Variants in NLGN1 observed in about 807,000 individuals in gnomAD.
NLGN1 encodes the protein neuroligin-1.
A neutral mutation model predicts 65.5 loss-of-function variants in NLGN1; 12 were observed. That is an observed-to-expected ratio of 0.18 (90% CI 0.12 to 0.30). The LOEUF (loss-of-function observed/expected upper bound fraction) is 0.30. Ranked by LOEUF, NLGN1 falls within the 10% of genes least tolerant of loss-of-function variation. NLGN1 has a pLI of 1.00. For missense variants in NLGN1, 750 were observed against 1,007.1 expected (o/e 0.74, Z 3.46); for synonymous variants, 350 against 359.5 (o/e 0.97, Z 0.30).
At chr3:173,851,111 A>G (rs1430424264) in intron 4 of NLGN1, among the ~76,000 whole-genome samples, 2 of 152,070 alleles carry the variant, frequency 1.3e-5, no homozygotes, top group Non-Finnish European at 2.9e-5. Flanking sequence ...ATATGGTTTT[A>G]TATCCGATTG....
intron 4 of NLGN1, among the ~76,000 whole-genome samples, chr3:174,245,477 T>C (rs1743621752): frequency 6.6e-6 from 1 of 152,148 alleles, no homozygotes; most frequent in African/African-American, 2.4e-5. Flanking sequence ...AATTCAAATA[T>C]CTTCTTCTGT....
intron 4 of NLGN1, among the ~76,000 whole-genome samples, chr3:174,195,204 C>T (rs1164717075): frequency 6.6e-6 from 1 of 152,136 alleles, no homozygotes; most frequent in Non-Finnish European, 1.5e-5. Context: ...GACCCAAACA[C>T]AGAAGTCTTG....
intron 4 of NLGN1, among the ~76,000 whole-genome samples, chr3:173,940,825 G>C (rs117726432): frequency 3.9e-5 from 6 of 152,036 alleles, no homozygotes. Context: ...TGCCTATGAC[G>C]TATTCTTAGA....
chr3:173,860,840 A>C (rs1040358225), intron 4 of NLGN1, among the ~76,000 whole-genome samples: 11 of 152,110 alleles, frequency 7.2e-5, no homozygotes, highest in Non-Finnish European at 1.3e-4. Flanking sequence ...CAAAATATGA[A>C]GGGGGGGTTA....
At chr3:174,208,663 GGA>G (rs1491348098) in intron 4 of NLGN1, among the ~76,000 whole-genome samples, 5 of 52,780 alleles carry the variant, frequency 9.5e-5, no homozygotes, top group African/African-American at 5.4e-4. Context: ...GCCATTATAG[GGA>G]AAAAAAAAAA....
At chr3:173,547,890 C>T (rs2149254295) in intron 2 of NLGN1, among the ~76,000 whole-genome samples, 1 of 151,960 alleles carries the variant, frequency 6.6e-6, no homozygotes, top group Middle Eastern at 3.4e-3. Flanking sequence ...GGTAAGGAGG[C>T]CAGATGTCTC....
intron 4 of NLGN1, among the ~76,000 whole-genome samples, chr3:174,225,883 A>T (rs1180152319): frequency 6.6e-6 from 1 of 152,166 alleles, no homozygotes; most frequent in Admixed American, 6.5e-5. Context: ...ATTAAACTCT[A>T]GAGTAGCAAG....
intron 3 of NLGN1, among the ~76,000 whole-genome samples, chr3:173,625,383 G>A (rs751933010): frequency 3.9e-5 from 6 of 152,040 alleles, no homozygotes; most frequent in African/African-American, 7.2e-5. Flanking sequence ...ATCCTGGTAC[G>A]TCTGCTTAGA....
chr3:173,812,590 G>A (rs1178871855), intron 4 of NLGN1, among the ~76,000 whole-genome samples: 1 of 151,800 alleles, frequency 6.6e-6, no homozygotes, highest in East Asian at 1.9e-4. Flanking sequence ...AATTAGCCAG[G>A]TGTGGTGGCA....
chr3:174,018,783 G>C (rs1727139501), intron 4 of NLGN1, among the ~76,000 whole-genome samples: 1 of 152,118 alleles, frequency 6.6e-6, no homozygotes, highest in Non-Finnish European at 1.5e-5. Context: ...AAGTTCAGGA[G>C]TTGATACTGC....
At chr3:173,960,574 G>T (rs1000273282) in intron 4 of NLGN1, among the ~76,000 whole-genome samples, 2 of 151,624 alleles carry the variant, frequency 1.3e-5, no homozygotes, top group African/African-American at 2.4e-5. Context: ...AGATTTATTC[G>T]GGTTATTTGG....
intron 2 of NLGN1, among the ~76,000 whole-genome samples, chr3:173,571,759 TTTG>T (rs561460399): frequency 5.2e-4 from 79 of 152,272 alleles, no homozygotes; most frequent in Non-Finnish European, 9.1e-4. Flanking sequence ...ATGTTTGTTT[TTTG>T]TTGTTGTTGT....
At chr3:173,754,024 C>CTTTTTTTTTTTTTTTTTTTTTTTTT (rs71162358) in intron 3 of NLGN1, among the ~76,000 whole-genome samples, 5 of 121,618 alleles carry the variant, frequency 4.1e-5, no homozygotes, top group East Asian at 2.4e-4. Context: ...TCTTTCTTTT[C>CTTTTTTTTTTTTTTTTTTTTTTTTT]TTTTTTTTTT....
At chr3:174,216,329 G>T (rs1428032710) in intron 4 of NLGN1, among the ~76,000 whole-genome samples, 2 of 152,116 alleles carry the variant, frequency 1.3e-5, no homozygotes, top group Non-Finnish European at 2.9e-5. Flanking sequence ...CCCCAGAAAA[G>T]AACCCACGAA....
intron 4 of NLGN1, among the ~76,000 whole-genome samples, chr3:173,953,629 ACTG>A (rs1334284899): frequency 6.6e-6 from 1 of 152,138 alleles, no homozygotes; most frequent in African/African-American, 2.4e-5. Context: ...ATCATGGCTC[ACTG>A]CAGCCTCAAC....
At chr3:173,418,272 T>C (rs1031988922) in intron 1 of NLGN1, among the ~76,000 whole-genome samples, 37 of 151,830 alleles carry the variant, frequency 2.4e-4, no homozygotes, top group African/African-American at 8.4e-4. Context: ...AATTTAACAA[T>C]TTATTGCTTG....
intron 4 of NLGN1, among the ~76,000 whole-genome samples, chr3:174,115,676 T>G (rs2152629964): frequency 6.6e-6 from 1 of 152,164 alleles, no homozygotes; most frequent in Middle Eastern, 3.4e-3. Flanking sequence ...CAAAAGACTA[T>G]GTAGAGATAA....
chr3:173,508,852 G>A (rs887900106), intron 2 of NLGN1, among the ~76,000 whole-genome samples: 3 of 152,086 alleles, frequency 2.0e-5, no homozygotes, highest in African/African-American at 7.2e-5. Context: ...TTCCTAGTAG[G>A]GTCGAGCCCA....
At chr3:174,098,061 A>T (rs1213722640) in intron 4 of NLGN1, among the ~76,000 whole-genome samples, 2 of 152,226 alleles carry the variant, frequency 1.3e-5, no homozygotes, top group Non-Finnish European at 1.5e-5. Context: ...GCATTTCTCC[A>T]TAAATGTTGG....
Sources: allele counts gnomAD v4.1 joint callset (sites outside exome capture counted in the v4.1 genomes callset), GRCh38; gene constraint gnomAD v4.1.1; transcripts MANE v1.5; gene names NCBI Gene and HGNC (gene_info 2026-07-23, HGNC 2026-07-21).